CTIF: variants seen among roughly 807,000 people sequenced by gnomAD.
The protein encoded by CTIF is CBP80/20-dependent translation initiation factor.
In CTIF, 21 loss-of-function variants were observed where a neutral mutation model predicts 66.0. The ratio of observed to expected loss-of-function variants is 0.32; its 90% CI spans 0.23 to 0.46. CTIF has a LOEUF of 0.46. Ranked by LOEUF, CTIF falls within the 20% of genes least tolerant of loss-of-function variation. The pLI is 1.00. For synonymous variants in CTIF, 345 were observed against 326.4 expected (o/e 1.06, Z -0.62); for missense variants, 739 against 812.7 (o/e 0.91, Z 1.10).
chr18:48,568,321 C>G (rs1018433300), intron 1 of CTIF: 4 of 152,034 alleles, frequency 2.6e-5, no homozygotes, highest in African/African-American at 9.7e-5. Context: ...GCATTGATGT[C>G]TGCCATTTGC....
At chr18:48,757,882 G>C in intron 7 of CTIF, 37 bp from the exon 8 acceptor site, 1 of 1,585,638 alleles carries the variant, frequency 6.3e-7, no homozygotes, top group East Asian at 2.2e-5. Context: ...AGCCCGCCCA[G>C]TGATCGCCTT....
In CTIF at chr18:48,605,893, G is replaced by A. The variant is rs908823562; in HGVS notation, c.-28-13645G>A. On this transcript the variant is annotated intron_variant, in intron 1 of 11. Coordinates refer to ENST00000256413, the MANE Select transcript of CTIF (RefSeq NM_014772.3). ...ACGCACACTAGAGTGGGTTCCTGATGGAATTAACTGGAACTTAGATTTTTC... is the reference window on the plus strand; with the variant it reads ...ACGCACACTAGAGTGGGTTCCTGATAGAATTAACTGGAACTTAGATTTTTC... Among the ~76,000 whole-genome samples the A allele has an allele frequency of 5.9e-5, 9 of 152,206 alleles. No individual in the cohort carries two copies. In the East Asian group the frequency reaches 1.7e-3, roughly 29 times the overall value.
Position 48,796,584 on chromosome 18 carries a change from G to T in CTIF, c.1372-20637G>T, listed in dbSNP as rs185290888. On this transcript the variant is annotated intron_variant, in intron 9 of 11. Transcript: ENST00000256413. ...GAGCAAGCTGGAGATGGTGAGAACAGAAAGTAGCTTATCAACATGGACATG... is the reference window on the plus strand; with the variant it reads ...GAGCAAGCTGGAGATGGTGAGAACATAAAGTAGCTTATCAACATGGACATG... Among the ~76,000 whole-genome samples, 5 of 152,282 alleles carry T rather than the reference G, an allele frequency of 3.3e-5. No homozygotes were observed. In the East Asian group the frequency reaches 5.8e-4, roughly 18 times the overall value.
intron 1 of CTIF, among the ~76,000 whole-genome samples, chr18:48,544,918 T>A (rs1342554526): frequency 6.6e-6 from 1 of 152,162 alleles, no homozygotes; most frequent in Non-Finnish European, 1.5e-5. Context: ...GAGAGACAGA[T>A]GCATAAACAG....
chr18:48,701,577 C>T (rs2092085609), intron 6 of CTIF, among the ~76,000 whole-genome samples: 1 of 147,672 alleles, frequency 6.8e-6, no homozygotes, highest in Non-Finnish European at 1.5e-5. Flanking sequence ...GTGCACTGTG[C>T]TGGCTGCAGA....
intron 3 of CTIF, among the ~76,000 whole-genome samples, chr18:48,660,155 T>C (rs1336102054): frequency 1.3e-5 from 2 of 148,194 alleles, no homozygotes; most frequent in African/African-American, 5.0e-5. Flanking sequence ...CATTTAAATA[T>C]GGATGTAGGC....
chr18:48,771,905 G>A (rs892496816), intron 9 of CTIF, among the ~76,000 whole-genome samples: 5 of 152,234 alleles, frequency 3.3e-5, no homozygotes, highest in East Asian at 1.9e-4. Context: ...CAGACAGGGC[G>A]CCTCTACCTG....
chr18:48,827,696 C>T (rs1335467700), intron 10 of CTIF, among the ~76,000 whole-genome samples: 1 of 152,186 alleles, frequency 6.6e-6, no homozygotes, highest in African/African-American at 2.4e-5. Context: ...GGTACCCAGC[C>T]CCTGGGCACT....
At chr18:48,763,195 A>G (rs947897637) in intron 9 of CTIF, among the ~76,000 whole-genome samples, 2 of 152,142 alleles carry the variant, frequency 1.3e-5, no homozygotes, top group African/African-American at 4.8e-5. Context: ...TTGTTTTTCA[A>G]AAAAGGGCCA....
chr18:48,769,612 C>T (rs1312767586), intron 9 of CTIF, among the ~76,000 whole-genome samples: 5 of 152,232 alleles, frequency 3.3e-5, no homozygotes, highest in Non-Finnish European at 7.3e-5. Context: ...GACCCCTGCC[C>T]AGGATTCTGT....
intron 6 of CTIF, chr18:48,673,654 C>G (rs747753370): frequency 6.6e-6 from 1 of 152,206 alleles, no homozygotes; most frequent in Admixed American, 6.5e-5. Flanking sequence ...CCTGCCATCT[C>G]AATCCATGGT....
chr18:48,588,639 A>G (rs1342224636), intron 1 of CTIF, among the ~76,000 whole-genome samples: 3 of 149,148 alleles, frequency 2.0e-5, no homozygotes, highest in Non-Finnish European at 4.4e-5. Context: ...CTCGCTCCAC[A>G]TCCGTCCTTC....
chr18:48,859,979 T>G lies in CTIF; in HGVS notation c.*420T>G, dbSNP rs2069425576. The stretch of plus-strand genomic sequence containing the variant: ...AAAGGACCTCGGAAGGCTGAAAAAG[T>G]GGGTCGGAGACGGGCTCGCATTGTT... On this transcript the variant is annotated 3_prime_UTR_variant, in exon 12 of 12. Coordinates refer to ENST00000256413, the MANE Select transcript of CTIF (RefSeq NM_014772.3). 1 of 463,108 alleles carries G rather than the reference T, an allele frequency of 2.2e-6. No individual in the cohort carries two copies. The highest frequency in any genetic ancestry group is 1.5e-5 in the South Asian group (1 of 64,636). The allele number at this position is 463,108 out of a possible 1,614,324, so 28.7% of individuals were successfully genotyped here.
chr18:48,582,102 T>G (rs870212), intron 1 of CTIF, among the ~76,000 whole-genome samples: 37,172 of 151,220 alleles, frequency 0.25, 8,985 homozygotes, highest in African/African-American at 0.63. Context: ...GTGGGAGGCG[T>G]GGTGGGGTGT....
intron 6 of CTIF, among the ~76,000 whole-genome samples, chr18:48,710,884 ATTGC>A (rs1254085067): frequency 6.6e-6 from 1 of 152,058 alleles, no homozygotes; most frequent in Admixed American, 6.5e-5. Context: ...AGGAAGGAGG[ATTGC>A]TTGAGCTCAG....
At position 48,561,155 on chromosome 18, in the gene CTIF, T is replaced by A. The variant is rs534987202; in HGVS notation, c.-29+21843T>A. Among the ~76,000 whole-genome samples, 6 of 148,994 alleles carry A rather than the reference T, an allele frequency of 4.0e-5. No homozygotes were observed. The East Asian group carries it at 1.2e-3, about 30-fold the overall frequency. ...ATGGGAGGCTGAGGCAGGAAATCAC[T>A]TGAACCTGGCGTGTGGAGGTTGCAG... is the stretch of plus-strand genomic sequence containing the variant. On this transcript the variant is annotated intron_variant, in intron 1 of 11. Transcript: ENST00000256413.
intron 7 of CTIF, among the ~76,000 whole-genome samples, chr18:48,732,452 C>T (rs930217445): frequency 3.3e-5 from 5 of 152,100 alleles, no homozygotes; most frequent in East Asian, 1.9e-4. Flanking sequence ...GCTGACCAGC[C>T]GGACACTGCC....
chr18:48,627,816 G>A (rs373604172), intron 2 of CTIF, among the ~76,000 whole-genome samples: 9 of 152,036 alleles, frequency 5.9e-5, no homozygotes, highest in African/African-American at 2.2e-4. Context: ...AGGGAGTGAG[G>A]ATTTGAAGGA....
intron 9 of CTIF, among the ~76,000 whole-genome samples, chr18:48,794,578 G>A (rs960152828): frequency 6.6e-6 from 1 of 152,180 alleles, no homozygotes; most frequent in Non-Finnish European, 1.5e-5. Flanking sequence ...TGAGGTGGGG[G>A]GTTGAAGGGA....
Sources: allele counts gnomAD v4.1 joint callset (sites outside exome capture counted in the v4.1 genomes callset), GRCh38; gene constraint gnomAD v4.1.1; transcripts MANE v1.5; gene names NCBI Gene and HGNC (gene_info 2026-07-23, HGNC 2026-07-21).